Variants in MTCL1 observed in about 807,000 individuals in gnomAD.
MTCL1 encodes the protein microtubule crosslinking factor 1.
Under a neutral mutation model 141.4 loss-of-function variants are expected in MTCL1, and 79 were observed. The observed-to-expected ratio is 0.56, with a 90% CI of 0.47 to 0.67. The LOEUF is 0.67. Among genes scored for constraint, MTCL1 ranks in the 30% least tolerant of loss-of-function variants. The pLI, the probability that MTCL1 is intolerant of heterozygous loss-of-function variation, is 0.00. For missense variants in MTCL1, 2,177 were observed against 2,113.9 expected (o/e 1.03, Z -0.59); for synonymous variants, 914 against 875.8 (o/e 1.04, Z -0.77).
chr18:8,809,662 G>C, intron 11 of MTCL1: 1 of 1,499,044 alleles, frequency 6.7e-7, no homozygotes, highest in Non-Finnish European at 8.9e-7. Context: ...CGGGCCTGGT[G>C]GCCGGTTCAT....
intron 10 of MTCL1, among the ~76,000 whole-genome samples, chr18:8,798,780 C>A (rs1286395638): frequency 6.6e-6 from 1 of 152,180 alleles, no homozygotes; most frequent in South Asian, 2.1e-4. Flanking sequence ...AGAGGTGAGA[C>A]TTCAGTGTTA....
At chr18:8,706,463 C>A in exon 1 of MTCL1, 4 of 1,258,596 alleles carry the variant, frequency 3.2e-6, no homozygotes, top group Non-Finnish European at 4.0e-6. Context: ...GAGCCCCCAG[C>A]GCTCCTCGCC....
chr18:8,713,092 T>C (rs2096104459), upstream of MTCL1, among the ~76,000 whole-genome samples: 1 of 152,196 alleles, frequency 6.6e-6, no homozygotes, highest in Non-Finnish European at 1.5e-5. Flanking sequence ...TTAATCTTGG[T>C]TTACTCTAGT....
chr18:8,829,357 C>T (rs537984420), intron 16 of MTCL1: 43 of 985,370 alleles, frequency 4.4e-5, no homozygotes, highest in African/African-American at 1.4e-4. Flanking sequence ...TTTGGTTATA[C>T]GTGCACTGGC....
At chr18:8,799,191 T>C (rs2076031330) in intron 10 of MTCL1, among the ~76,000 whole-genome samples, 1 of 152,196 alleles carries the variant, frequency 6.6e-6, no homozygotes, top group South Asian at 2.1e-4. Flanking sequence ...ACGCCACAAC[T>C]GCTGCTCCTC....
At chr18:8,824,712 T>C in exon 15 of MTCL1, 2 of 1,612,188 alleles carry the variant, frequency 1.2e-6, no homozygotes, top group Admixed American at 1.7e-5. Flanking sequence ...GGTGTCCGTG[T>C]CCTCCATGTC....
chr18:8,765,976 TC>T (rs1358183897), intron 4 of MTCL1, among the ~76,000 whole-genome samples: 1 of 152,116 alleles, frequency 6.6e-6, no homozygotes, highest in African/African-American at 2.4e-5. Context: ...GGAGGAGCCA[TC>T]CCGACACAAT....
At chr18:8,811,979 T>C (rs2076502679) in intron 11 of MTCL1, among the ~76,000 whole-genome samples, 1 of 152,254 alleles carries the variant, frequency 6.6e-6, no homozygotes, top group African/African-American at 2.4e-5. Flanking sequence ...TGAAGTCCTA[T>C]TAGGCTACTT....
chr18:8,758,889 C>T (rs1215830839), intron 4 of MTCL1, among the ~76,000 whole-genome samples: 3 of 152,162 alleles, frequency 2.0e-5, no homozygotes, highest in Non-Finnish European at 2.9e-5. Flanking sequence ...ACCTATCTTG[C>T]AGATTTCTCT....
chr18:8,817,490 C>T (rs749740204), intron 12 of MTCL1, among the ~76,000 whole-genome samples: 3 of 152,098 alleles, frequency 2.0e-5, no homozygotes, highest in African/African-American at 2.4e-5. Flanking sequence ...CTCTGTTCTG[C>T]CACCTTAGAA....
intron 4 of MTCL1, among the ~76,000 whole-genome samples, chr18:8,750,218 G>A (rs995727242): frequency 1.3e-5 from 2 of 151,908 alleles, no homozygotes; most frequent in African/African-American, 4.8e-5. Context: ...GCTAATTTTT[G>A]TATTTTTAGT....
At chr18:8,809,492 AG>A in intron 11 of MTCL1, 2 of 1,536,126 alleles carry the variant, frequency 1.3e-6, no homozygotes, top group Non-Finnish European at 1.7e-6. Flanking sequence ...AGGAGACTTT[AG>A]GCTTCACCAG....
At chr18:8,712,559 G>A (rs2096100309), upstream of MTCL1, among the ~76,000 whole-genome samples, 2 of 152,278 alleles carry the variant, frequency 1.3e-5, no homozygotes, top group South Asian at 4.1e-4. Context: ...GGTTAACATG[G>A]ACAGTATTCC....
At chr18:8,777,916 T>C (rs746132355) in intron 5 of MTCL1, 24 bp downstream of exon 4, 1 of 1,604,854 alleles carries the variant, frequency 6.2e-7, no homozygotes, top group Non-Finnish European at 8.5e-7. Flanking sequence ...TTCATTCTAA[T>C]GTTACATCTC....
At chr18:8,819,346 C>T in intron 13 of MTCL1, 87 bp downstream of exon 12, 1 of 1,411,680 alleles carries the variant, frequency 7.1e-7, no homozygotes, top group Non-Finnish European at 9.7e-7. Flanking sequence ...AGATTCCTCT[C>T]CTGGCAGGCT....
Position 8,825,021 on chromosome 18 carries a change from CCA to C in MTCL1, c.3512_3513del (p.Pro1171ArgfsTer40). ...CATGACCACGGACACCATGACCAGC[CCA>C]GAGCACTGCCAGAAGCAGCCACTGC... On this transcript the variant is annotated frameshift_variant, in exon 15 of 17. Transcript: ENST00000359865. LOFTEE classifies it high-confidence loss of function. 1 of 1,613,166 alleles carries C rather than the reference CCA, an allele frequency of 6.2e-7. No individual in the cohort carries two copies. The highest frequency in any genetic ancestry group is 8.5e-7 in the Non-Finnish European group (1 of 1,180,034).
chr18:8,758,666 C>A (rs1263552582), intron 4 of MTCL1, among the ~76,000 whole-genome samples: 2 of 152,154 alleles, frequency 1.3e-5, no homozygotes, highest in African/African-American at 2.4e-5. Context: ...CTGAAGTTTT[C>A]CTGAGAAAGG....
At chr18:8,808,711 G>T (rs1034682597) in intron 11 of MTCL1, among the ~76,000 whole-genome samples, 1 of 152,232 alleles carries the variant, frequency 6.6e-6, no homozygotes, top group Non-Finnish European at 1.5e-5. Flanking sequence ...CCACGTTGAT[G>T]ACACTTCCCA....
intron 4 of MTCL1, among the ~76,000 whole-genome samples, chr18:8,751,333 G>T (rs752597103): frequency 2.0e-5 from 3 of 152,148 alleles, no homozygotes; most frequent in Non-Finnish European, 4.4e-5. Context: ...TTTTGCATGC[G>T]TAGACATTAA....
Sources: allele counts gnomAD v4.1 joint callset (sites outside exome capture counted in the v4.1 genomes callset), GRCh38; gene constraint gnomAD v4.1.1; transcripts MANE v1.5; gene names NCBI Gene and HGNC (gene_info 2026-07-23, HGNC 2026-07-21).